The following C8orf34 variants were observed in gnomAD, a reference collection of about 807,000 sequenced individuals.
The protein encoded by C8orf34 is chromosome 8 open reading frame 34.
A neutral mutation model predicts 68.3 loss-of-function variants in C8orf34; 65 were observed. The observed-to-expected ratio is 0.95, with a 90% CI of 0.78 to 1.17. The LOEUF is 1.17. Among genes scored for constraint, C8orf34 ranks in the 50% most tolerant of loss-of-function variants. The probability of loss-of-function intolerance (pLI) is 0.00; values close to 1 mark genes in which losing one functional copy is unlikely to be tolerated. For synonymous variants in C8orf34, 244 were observed against 241.2 expected, an observed-to-expected ratio of 1.01 and a Z score of -0.11; for missense variants, 664 against 655.4, an observed-to-expected ratio of 1.01 and a Z score of -0.14.
At chr8:68,399,512 A>T (rs1808859102) in intron 1 of C8orf34, among the ~76,000 whole-genome samples, 1 of 152,176 alleles carries the variant, frequency 6.6e-6, no homozygotes. Flanking sequence ...ATGGCCAAAT[A>T]GTATTCCACT....
chr8:68,800,285 T>C (rs1325179265), intron 12 of C8orf34, among the ~76,000 whole-genome samples: 1 of 152,178 alleles, frequency 6.6e-6, no homozygotes, highest in African/African-American at 2.4e-5. Context: ...GGTTCTAAAC[T>C]ACCTCTGCAC....
chr8:68,627,381 C>G (rs1248047015), intron 7 of C8orf34, among the ~76,000 whole-genome samples: 1 of 152,212 alleles, frequency 6.6e-6, no homozygotes, highest in South Asian at 2.1e-4. Flanking sequence ...ATGTGTTGCA[C>G]TTCAATTAAA....
intron 10 of C8orf34, among the ~76,000 whole-genome samples, chr8:68,775,675 T>A (rs1823494948): frequency 6.6e-6 from 1 of 152,220 alleles, no homozygotes; most frequent in Non-Finnish European, 1.5e-5. Context: ...CACACAAATT[T>A]ATAGAATATA....
chr8:68,771,566 C>T (rs959323738), intron 10 of C8orf34, among the ~76,000 whole-genome samples: 13 of 152,180 alleles, frequency 8.5e-5, no homozygotes, highest in African/African-American at 2.9e-4. Flanking sequence ...TGTCTGGGCC[C>T]TTACCCCAAA....
chr8:68,439,240 T>C (rs1810793019), intron 1 of C8orf34: 1 of 279,854 alleles, frequency 3.6e-6, no homozygotes, highest in Admixed American at 5.0e-5. Context: ...CTAAGTATAA[T>C]ACAAAATAAA....
At chr8:68,401,313 A>G (rs1808944430) in intron 1 of C8orf34, among the ~76,000 whole-genome samples, 1 of 152,102 alleles carries the variant, frequency 6.6e-6, no homozygotes, top group African/African-American at 2.4e-5. Context: ...AGAGTATATC[A>G]TCAGCCAACA....
At chr8:68,733,885 G>T (rs1822052623) in intron 10 of C8orf34, among the ~76,000 whole-genome samples, 1 of 152,098 alleles carries the variant, frequency 6.6e-6, no homozygotes, top group Non-Finnish European at 1.5e-5. Flanking sequence ...TTGTAAGTAA[G>T]TAAGTAAATA....
chr8:68,712,467 A>T lies in C8orf34; in HGVS notation c.1327+3388A>T, dbSNP rs12545553. Among the ~76,000 whole-genome samples the T allele has an allele frequency of 5.6e-3, 857 of 152,286 alleles. 10 individuals are homozygous for T. The highest frequency in any genetic ancestry group is 0.029 in the Admixed American group (442 of 15,290). On this transcript the variant is annotated intron_variant, in intron 9 of 13. Transcript: ENST00000518698. ...AGACTCATCTAACACATAAGGACTC[A>T]TATAAACTTAAGGTAAAGGGGTAGA...
chr8:68,716,820 A>C (rs1411796521), intron 9 of C8orf34, among the ~76,000 whole-genome samples: 2 of 152,052 alleles, frequency 1.3e-5, no homozygotes, highest in African/African-American at 4.8e-5. Flanking sequence ...AAATATGAAC[A>C]ACCCTTGTTA....
At position 68,787,468 on chromosome 8, in the gene C8orf34, T is replaced by C; in HGVS notation, c.1481T>C (p.Val494Ala). ...EEDESLKQLQ[V>A]VHQPWILPSD... Reference sequence around the variant, plus strand: ...GATGAATCCTTAAAGCAATTGCAGGTAGTTCATCAACCATGGATCTTGCCA... The same window carrying C: ...GATGAATCCTTAAAGCAATTGCAGGCAGTTCATCAACCATGGATCTTGCCA... Residue 494 changes from valine to alanine, a missense_variant, in exon 12 of 14, where the codon GTA becomes GCA. Coordinates refer to ENST00000518698, the MANE Select transcript of C8orf34 (RefSeq NM_052958.4). The C allele has an allele frequency of 6.2e-7, 1 of 1,612,202 alleles. No individual in the cohort carries two copies. The highest frequency in any genetic ancestry group is 8.5e-7 in the Non-Finnish European group (1 of 1,178,824).
chr8:68,744,165 C>T (rs1391999466), intron 10 of C8orf34, among the ~76,000 whole-genome samples: 2 of 152,176 alleles, frequency 1.3e-5, no homozygotes, highest in African/African-American at 4.8e-5. Flanking sequence ...AGACCTTCAG[C>T]TGAGGGTCCT....
chr8:68,603,083 T>C (rs1482805320), intron 7 of C8orf34, among the ~76,000 whole-genome samples: 3 of 152,092 alleles, frequency 2.0e-5, no homozygotes, highest in Non-Finnish European at 2.9e-5. Context: ...AATCAGTCCA[T>C]TCTCTTCTGT....
chr8:68,587,605 A>G (rs1817246410), intron 7 of C8orf34, among the ~76,000 whole-genome samples: 1 of 152,150 alleles, frequency 6.6e-6, no homozygotes, highest in African/African-American at 2.4e-5. Flanking sequence ...ACTTAATAAA[A>G]TAAAACTAAG....
intron 7 of C8orf34, among the ~76,000 whole-genome samples, chr8:68,541,278 C>T (rs924123112): frequency 6.6e-6 from 1 of 151,792 alleles, no homozygotes; most frequent in Admixed American, 6.6e-5. Flanking sequence ...GCCTGGGCAG[C>T]ATAGAGAGAC....
At chr8:68,540,781 G>A (rs529493595) in intron 7 of C8orf34, among the ~76,000 whole-genome samples, 31 of 152,228 alleles carry the variant, frequency 2.0e-4, no homozygotes, top group African/African-American at 6.5e-4. Context: ...GGCGGAGGTT[G>A]CAGTGAGCCA....
At chr8:68,593,163 G>A (rs1817447471) in intron 7 of C8orf34, among the ~76,000 whole-genome samples, 1 of 152,122 alleles carries the variant, frequency 6.6e-6, no homozygotes, top group Non-Finnish European at 1.5e-5. Flanking sequence ...TATTGATGAT[G>A]TGATCTTCTC....
chr8:68,638,406 A>G (rs1818910054), intron 7 of C8orf34, among the ~76,000 whole-genome samples: 1 of 151,420 alleles, frequency 6.6e-6, no homozygotes, highest in Non-Finnish European at 1.5e-5. Context: ...CTAAAATTTT[A>G]GATAGGTTCA....
chr8:68,443,450 A>G (rs961367629), intron 2 of C8orf34, among the ~76,000 whole-genome samples: 1 of 152,082 alleles, frequency 6.6e-6, no homozygotes, highest in Non-Finnish European at 1.5e-5. Context: ...GCTGGAGTGC[A>G]GTGGCATGAT....
At chr8:68,634,664 T>A (rs1585648082) in intron 7 of C8orf34, among the ~76,000 whole-genome samples, 1 of 152,194 alleles carries the variant, frequency 6.6e-6, no homozygotes, top group Non-Finnish European at 1.5e-5. Context: ...TCTTTGTATA[T>A]TTAGCATAGA....
Sources: allele counts gnomAD v4.1 joint callset (sites outside exome capture counted in the v4.1 genomes callset), GRCh38; gene constraint gnomAD v4.1.1; transcripts MANE v1.5; gene names NCBI Gene and HGNC (gene_info 2026-07-23, HGNC 2026-07-21).